NCKAP5: variants seen among roughly 807,000 people sequenced by gnomAD.
NCKAP5 encodes the protein nck-associated protein 5.
In NCKAP5, 92 loss-of-function variants were observed where a neutral mutation model predicts 167.0. That is an observed-to-expected ratio of 0.55 (90% CI 0.47 to 0.66). NCKAP5 has a LOEUF of 0.66. NCKAP5 is among the 30% of genes least tolerant of loss of function. The pLI is 0.00. For synonymous variants in NCKAP5, 891 were observed against 877.4 expected, an observed-to-expected ratio of 1.02 and a Z score of -0.27; for missense variants, 2,378 against 2,315.0, an observed-to-expected ratio of 1.03 and a Z score of -0.56.
intron 11 of NCKAP5, among the ~76,000 whole-genome samples, chr2:132,798,052 C>T (rs1038313947): frequency 5.3e-5 from 8 of 152,078 alleles, no homozygotes; most frequent in Non-Finnish European, 7.4e-5. Flanking sequence ...CTGTGGAAGT[C>T]CTTTCACAAA....
chr2:133,461,732 T>C (rs1024933235), intron 3 of NCKAP5, among the ~76,000 whole-genome samples: 3 of 152,212 alleles, frequency 2.0e-5, no homozygotes, highest in African/African-American at 7.2e-5. Context: ...CTCACCTGAT[T>C]GCAAAGAGAA....
chr2:133,154,095 G>T (rs2149900980), intron 5 of NCKAP5, among the ~76,000 whole-genome samples: 1 of 152,064 alleles, frequency 6.6e-6, no homozygotes, highest in Non-Finnish European at 1.5e-5. Flanking sequence ...ACCCTCCCCG[G>T]CCTCCCAAAG....
At chr2:133,398,868 C>G (rs1429643876) in intron 3 of NCKAP5, among the ~76,000 whole-genome samples, 1 of 152,118 alleles carries the variant, frequency 6.6e-6, no homozygotes, top group Non-Finnish European at 1.5e-5. Flanking sequence ...AGGGTTTAAA[C>G]ACTTGACTTA....
chr2:133,502,851 G>A (rs1050271613), intron 3 of NCKAP5, among the ~76,000 whole-genome samples: 1 of 152,250 alleles, frequency 6.6e-6, no homozygotes, highest in Non-Finnish European at 1.5e-5. Context: ...ATGAATGAAT[G>A]AGTGGCAAGC....
At chr2:133,444,452 T>C (rs949514467) in intron 3 of NCKAP5, among the ~76,000 whole-genome samples, 1 of 152,208 alleles carries the variant, frequency 6.6e-6, no homozygotes, top group Non-Finnish European at 1.5e-5. Context: ...ATACATCTTC[T>C]GGTATTGCTT....
chr2:132,693,926 T>C (rs1687058337), intron 19 of NCKAP5, among the ~76,000 whole-genome samples: 2 of 151,868 alleles, frequency 1.3e-5, no homozygotes, highest in African/African-American at 4.8e-5. Flanking sequence ...GCCCAGCCCC[T>C]TTCTCTTGTG....
intron 3 of NCKAP5, among the ~76,000 whole-genome samples, chr2:133,339,921 C>A (rs531415377): frequency 6.6e-6 from 1 of 152,210 alleles, no homozygotes; most frequent in South Asian, 2.1e-4. Context: ...AACCTTTGTG[C>A]GGTCTTTGGT....
chr2:133,533,503 T>C (rs1428038830), intron 2 of NCKAP5, among the ~76,000 whole-genome samples: 1 of 152,200 alleles, frequency 6.6e-6, no homozygotes, highest in Non-Finnish European at 1.5e-5. Flanking sequence ...TGAATTAATG[T>C]AAAACCCCAA....
Position 132,963,804 on chromosome 2 carries a change from A to G in NCKAP5, c.495T>C (p.Asp165=), listed in dbSNP as rs2076586031. 2 of 1,613,830 alleles carry G rather than the reference A, an allele frequency of 1.2e-6. No individual in the cohort carries two copies. Among genetic ancestry groups the G allele is most frequent in the East Asian group, 2.2e-5 (1 of 44,884 alleles). ...EALEDLHMVV[D]EDSRSESSST... ...TGCTGCTTTCACTCCTCGAATCCTC[A>G]TCAACCACCATGTGAAGATCTTCCA... Residue 165 remains aspartate (D), a synonymous_variant, in exon 8 of 20, where the codon GAT becomes GAC. Coordinates refer to ENST00000409261, the MANE Select transcript of NCKAP5 (RefSeq NM_207363.3).
At chr2:133,441,846 T>C (rs1387040833) in intron 3 of NCKAP5, among the ~76,000 whole-genome samples, 1 of 152,186 alleles carries the variant, frequency 6.6e-6, no homozygotes, top group Non-Finnish European at 1.5e-5. Flanking sequence ...ATTAATACCA[T>C]ATCTAAGACT....
chr2:133,049,931 G>A (rs984173705), intron 6 of NCKAP5, among the ~76,000 whole-genome samples: 3 of 152,176 alleles, frequency 2.0e-5, no homozygotes, highest in Non-Finnish European at 4.4e-5. Context: ...AAAGGAATGG[G>A]GACAAAGGAG....
chr2:133,140,487 C>T (rs2082956702), intron 5 of NCKAP5, among the ~76,000 whole-genome samples: 1 of 152,032 alleles, frequency 6.6e-6, no homozygotes, highest in African/African-American at 2.4e-5. Flanking sequence ...TCGTTGTTCT[C>T]TGTTATGGAG....
chr2:133,507,401 A>G (rs977020389), intron 3 of NCKAP5, among the ~76,000 whole-genome samples: 5 of 152,224 alleles, frequency 3.3e-5, no homozygotes, highest in African/African-American at 1.2e-4. Flanking sequence ...GCTGAAAACA[A>G]CTGCTTAAAA....
intron 2 of NCKAP5, among the ~76,000 whole-genome samples, chr2:133,517,790 T>C (rs972880704): frequency 5.3e-5 from 8 of 152,228 alleles, no homozygotes; most frequent in East Asian, 1.9e-4. Flanking sequence ...TGTGTTTTTA[T>C]AGGTTTTGCT....
intron 11 of NCKAP5, among the ~76,000 whole-genome samples, chr2:132,842,187 T>C (rs1431364389): frequency 6.6e-6 from 1 of 152,162 alleles, no homozygotes; most frequent in Non-Finnish European, 1.5e-5. Context: ...GTTTACATTT[T>C]GCTAGGCAAT....
chr2:132,710,582 A>G (rs114586022), intron 19 of NCKAP5, among the ~76,000 whole-genome samples: 1,794 of 152,292 alleles, frequency 0.012, 35 homozygotes, highest in African/African-American at 0.039. Context: ...TGAGCAGTCA[A>G]TTTAAAGAAG....
intron 6 of NCKAP5, among the ~76,000 whole-genome samples, chr2:133,033,342 A>T (rs2078941495): frequency 6.6e-6 from 1 of 152,246 alleles, no homozygotes; most frequent in Non-Finnish European, 1.5e-5. Context: ...CTTAGATCAC[A>T]ACACCGAAGT....
chr2:133,588,907 G>A, the NCKAP5 span, among the ~76,000 whole-genome samples: 87 of 152,274 alleles, frequency 5.7e-4, no homozygotes, highest in Non-Finnish European at 9.3e-4. Context: ...TTGGTGTTGG[G>A]GAAGATACCA....
At chr2:133,356,280 T>C (rs1193884438) in intron 3 of NCKAP5, among the ~76,000 whole-genome samples, 3 of 152,160 alleles carry the variant, frequency 2.0e-5, no homozygotes, top group Non-Finnish European at 4.4e-5. Flanking sequence ...CCTTGTGTTT[T>C]TAACAACCTC....
Sources: allele counts gnomAD v4.1 joint callset (sites outside exome capture counted in the v4.1 genomes callset), GRCh38; gene constraint gnomAD v4.1.1; transcripts MANE v1.5; gene names NCBI Gene and HGNC (gene_info 2026-07-23, HGNC 2026-07-21).